The following GLB1L2 variants were observed in gnomAD, a reference collection of about 807,000 sequenced individuals.
The protein encoded by GLB1L2 is beta-galactosidase-1-like protein 2.
In GLB1L2, 68 loss-of-function variants were observed where a neutral mutation model predicts 84.1. The ratio of observed to expected loss-of-function variants is 0.81; its 90% CI spans 0.67 to 0.99. GLB1L2 has a LOEUF of 0.99. Ranked by LOEUF, GLB1L2 falls within the 50% of genes least tolerant of loss-of-function variation. The pLI is 0.00. For synonymous variants in GLB1L2, 290 were observed against 318.0 expected (o/e 0.91, Z 0.94); for missense variants, 762 against 805.6 (o/e 0.95, Z 0.66).
chr11:134,356,545 G>T, intron 6 of GLB1L2, 152 bp downstream of exon 6: 1 of 598,930 alleles, frequency 1.7e-6, no homozygotes, highest in Non-Finnish European at 3.0e-6. Context: ...TATTTCAACA[G>T]GGTTGTCACT....
chr11:134,375,197 G>A lies in GLB1L2; in HGVS notation c.*139G>A. 3.1e-6 allele frequency: 2 copies of A among 652,366 alleles called. No homozygotes were observed. Among genetic ancestry groups the A allele is most frequent in the South Asian group, 4.0e-5 (2 of 50,200 alleles). 40.4% of individuals were successfully genotyped at this position (652,366 alleles called of 1,614,324 possible). On this transcript the variant is annotated 3_prime_UTR_variant, in exon 19 of 19. Coordinates refer to ENST00000535456, the MANE Select transcript of GLB1L2 (RefSeq NM_001370461.1). ...CCTCAGGGACTGGGGGCTACAGTCTGCCCCTGTCTCAGCTCAAAACCCTAA... is the reference window on the plus strand; with the variant it reads ...CCTCAGGGACTGGGGGCTACAGTCTACCCCTGTCTCAGCTCAAAACCCTAA...
intron 7 of GLB1L2, among the ~76,000 whole-genome samples, chr11:134,363,793 C>T (rs542408234): frequency 2.6e-5 from 4 of 152,184 alleles, no homozygotes; most frequent in African/African-American, 4.8e-5. Context: ...AGGTGCACAG[C>T]GAGTGACTGC....
chr11:134,360,026 T>C (rs1943760734), intron 7 of GLB1L2: 1 of 152,324 alleles, frequency 6.6e-6, no homozygotes, highest in African/African-American at 2.4e-5. Flanking sequence ...TTCCAGGTAG[T>C]TTATTTATGT....
chr11:134,369,719 G>GC (rs1255193783), intron 10 of GLB1L2, 86 bp from the exon 11 acceptor site: 22 of 1,162,528 alleles, frequency 1.9e-5, no homozygotes, highest in Middle Eastern at 2.2e-4. Flanking sequence ...AAGACCTGTG[G>GC]CCCTTCCAAG....
chr11:134,375,219 C>G lies in GLB1L2; in HGVS notation c.*161C>G, dbSNP rs908127293. On this transcript the variant is annotated 3_prime_UTR_variant, in exon 19 of 19. Transcript: ENST00000535456. The stretch of plus-strand genomic sequence containing the variant: ...TCTGCCCCTGTCTCAGCTCAAAACC[C>G]TAAGCCTGCAGGGAAAGGTGGGATG... The G allele has an allele frequency of 1.9e-4, 111 of 598,274 alleles. No individual in the cohort carries two copies. In the Middle Eastern group the frequency reaches 2.1e-3, roughly 11 times the overall value. The allele number at this position is 598,274 out of a possible 1,614,324, so 37.1% of individuals were successfully genotyped here.
In GLB1L2 at chr11:134,370,903, C is replaced by G; in HGVS notation, c.1216-105C>G. ...AATGAGAAGTCAAAGTAGAAAACACCCACCAAACCTCCGCTTCCACCCCAT... is the reference window on the plus strand; with the variant it reads ...AATGAGAAGTCAAAGTAGAAAACACGCACCAAACCTCCGCTTCCACCCCAT... On this transcript the variant is annotated intron_variant, in intron 12 of 18. Transcript: ENST00000535456. The surrounding 1 kb of genome is among the most constrained non-coding windows in gnomAD (Gnocchi z 4.7). 7.7e-7 allele frequency: 1 copy of G among 1,291,836 alleles called. No individual in the cohort carries two copies. Among genetic ancestry groups the G allele is most frequent in the Non-Finnish European group, 1.1e-6 (1 of 921,090 alleles). 80.0% of individuals were successfully genotyped at this position (1,291,836 alleles called of 1,614,324 possible).
In GLB1L2 at chr11:134,369,830, C is replaced by T. The variant is rs533403918; in HGVS notation, c.1053C>T (p.Ala351=). The T allele has an allele frequency of 1.5e-5, 25 of 1,613,388 alleles. 1 individual carries two copies. The highest frequency in any genetic ancestry group is 8.8e-5 in the South Asian group (8 of 91,070). ...SYDYDAVLTE[A]GDYTAKYMKL... ...ACTATGATGCTGTGCTGACAGAAGCCGGCGATTACACGGCCAAGTACATGA... is the reference window on the plus strand; with the variant it reads ...ACTATGATGCTGTGCTGACAGAAGCTGGCGATTACACGGCCAAGTACATGA... The change falls in exon 11 of 19, where the codon GCC becomes GCT. Residue 351 remains alanine (A), a synonymous_variant. Transcript: ENST00000535456.
At chr11:134,373,934 G>T in intron 16 of GLB1L2, 126 bp downstream of exon 16, 1 of 790,016 alleles carries the variant, frequency 1.3e-6, no homozygotes, top group East Asian at 2.5e-5. Context: ...GGGCCAGATC[G>T]GCTGGCCGAG....
intron 8 of GLB1L2, among the ~76,000 whole-genome samples, chr11:134,366,524 C>T (rs556915507): frequency 2.0e-5 from 3 of 152,178 alleles, no homozygotes; most frequent in African/African-American, 7.2e-5. Context: ...GAAATACTAG[C>T]GTGTTAGTCT....
chr11:134,374,911 C>A, intron 18 of GLB1L2, 61 bp from the exon 19 acceptor site: 1 of 1,513,402 alleles, frequency 6.6e-7, no homozygotes, highest in Non-Finnish European at 9.1e-7. Context: ...CACCTCTCAG[C>A]ACCTCCCCTG....
intron 15 of GLB1L2, among the ~76,000 whole-genome samples, chr11:134,372,965 T>TGA (rs535190362): frequency 7.0e-4 from 107 of 152,352 alleles, no homozygotes; most frequent in African/African-American, 2.5e-3. Flanking sequence ...TTTGCTTCCC[T>TGA]GAGCCCTTGT....
rs373510514 is a variant in GLB1L2 at position 134,373,760 on chromosome 11, A to G, written c.1547A>G (p.Lys516Arg). The change falls in exon 16 of 19, where the codon AAA becomes AGA. Residue 516 changes from lysine to arginine, a missense_variant. Around this residue, in one of 3 missense-constraint regions of GLB1L2, gnomAD observed 603 missense variants for 611.7 expected, o/e 0.99. Coordinates refer to ENST00000535456, the MANE Select transcript of GLB1L2 (RefSeq NM_001370461.1). ...GNLYLNDSPL[K>R]NFRIYSLDMK... is the part of the protein sequence containing the mutation. ...CTCTATCTGAATGATTCACCCCTGA[A>G]AAACTTCAGAATCTATAGCCTGGAT... 9 of 1,613,272 alleles carry G rather than the reference A, an allele frequency of 5.6e-6. No homozygotes were observed. The African/African-American group carries it at 1.2e-4, about 22-fold the overall frequency.
At chr11:134,335,229 C>CTTTTT (rs11403985) in intron 1 of GLB1L2, among the ~76,000 whole-genome samples, 3 of 148,832 alleles carry the variant, frequency 2.0e-5, no homozygotes, top group Non-Finnish European at 3.0e-5. Flanking sequence ...ATGCAGGTCA[C>CTTTTT]TTTTTTTTTT....
intron 6 of GLB1L2, 68 bp downstream of exon 6, chr11:134,356,461 C>T (rs1565438492): frequency 9.4e-7 from 1 of 1,063,168 alleles, no homozygotes; most frequent in East Asian, 2.4e-5. Flanking sequence ...TGTGGTGTGA[C>T]ATGTGGGTCT....
At chr11:134,352,334 T>C (rs1293446236) in intron 5 of GLB1L2, among the ~76,000 whole-genome samples, 1 of 152,188 alleles carries the variant, frequency 6.6e-6, no homozygotes, top group East Asian at 1.9e-4. Flanking sequence ...GAGTCATATC[T>C]TTTTTCTTAG....
At position 134,371,058 on chromosome 11, in the gene GLB1L2, G is replaced by A; in HGVS notation, c.1266G>A (p.Gly422=). The A allele has an allele frequency of 6.2e-7, 1 of 1,614,190 alleles. No individual in the cohort carries two copies. The highest frequency in any genetic ancestry group is 8.5e-7 in the Non-Finnish European group (1 of 1,180,034). Residue 422 remains glycine (G), a synonymous_variant, in exon 13 of 19, where the codon GGG becomes GGA. Coordinates refer to ENST00000535456, the MANE Select transcript of GLB1L2 (RefSeq NM_001370461.1). ...PINMENLPVN[G]GNGQSFGYIL... is the part of the protein sequence containing the mutation. ...ACATGGAGAACCTGCCAGTCAATGG[G>A]GGAAATGGACAGTCCTTCGGGTACA...
intron 6 of GLB1L2, among the ~76,000 whole-genome samples, chr11:134,358,736 G>A (rs1330158038): frequency 6.6e-6 from 1 of 152,244 alleles, no homozygotes; most frequent in Admixed American, 6.5e-5. Context: ...ACACGCGGCA[G>A]CAGGCTTCCC....
intron 1 of GLB1L2, among the ~76,000 whole-genome samples, 191 bp from the exon 2 acceptor site, chr11:134,342,563 C>T (rs1371725048): frequency 1.3e-5 from 2 of 152,334 alleles, no homozygotes; most frequent in East Asian, 1.9e-4. Flanking sequence ...GCCTGCCCTT[C>T]CCCTGCCGCG....
At position 134,350,307 on chromosome 11, in the gene GLB1L2, T is replaced by C. The variant is rs1591615383; in HGVS notation, c.558+2874T>C. On this transcript the variant is annotated intron_variant, in intron 5 of 18. Transcript: ENST00000535456. Reference sequence around the variant, plus strand: ...GAAACTCAAGTTCCAATCACTAGGGTGGGCAGTTCCTCTCTGGCTAGGGCT... The same window carrying C: ...GAAACTCAAGTTCCAATCACTAGGGCGGGCAGTTCCTCTCTGGCTAGGGCT... Among the ~76,000 whole-genome samples the C allele has an allele frequency of 3.3e-5, 5 of 152,286 alleles. No individual in the cohort carries two copies. In the South Asian group the frequency reaches 1.0e-3, roughly 32 times the overall value.
Sources: gnomAD v4.1 joint callset for allele counts (sites outside exome capture counted in the v4.1 genomes callset) on GRCh38, gnomAD v4.1.1 for gene constraint, gnomAD v4.1.1 regional missense constraint, Gnocchi (gnomAD v3.1) non-coding constraint, MANE v1.5 for transcripts, NCBI Gene and HGNC (gene_info 2026-07-23, HGNC 2026-07-21) for gene names.